The following LRRC7 variants were observed in gnomAD, a reference collection of about 807,000 sequenced individuals.
LRRC7 encodes leucine-rich repeat-containing protein 7.
Under a neutral mutation model 175.7 loss-of-function variants are expected in LRRC7, and 23 were observed. The observed-to-expected ratio is 0.13, with a 90% CI of 0.09 to 0.19. LRRC7 has a LOEUF of 0.19. LRRC7 is among the 10% of genes least tolerant of loss of function. LRRC7 has a pLI of 1.00. For synonymous variants in LRRC7, 685 were observed against 680.9 expected (o/e 1.01, Z -0.09); for missense variants, 1,354 against 1,904.7 (o/e 0.71, Z 5.38).
chr1:69,739,424 C>T (rs1668472750), intron 2 of LRRC7, among the ~76,000 whole-genome samples: 2 of 151,996 alleles, frequency 1.3e-5, no homozygotes, highest in Non-Finnish European at 2.9e-5. Flanking sequence ...TTCTTTCTAC[C>T]CACCAAGGAT....
intron 7 of LRRC7, among the ~76,000 whole-genome samples, chr1:69,895,240 A>G (rs1050122938): frequency 1.3e-5 from 2 of 152,154 alleles, no homozygotes; most frequent in Admixed American, 6.5e-5. Flanking sequence ...CTCAAAAAAA[A>G]CAATTATTAA....
At chr1:69,991,170 A>C (rs909707699) in intron 10 of LRRC7, among the ~76,000 whole-genome samples, 49 of 141,970 alleles carry the variant, frequency 3.5e-4, no homozygotes, top group Non-Finnish European at 1.2e-4. Flanking sequence ...AAAAAAAAAA[A>C]CAAACTGGTA....
At chr1:69,858,434 T>C (rs1683972282) in intron 7 of LRRC7, among the ~76,000 whole-genome samples, 1 of 151,980 alleles carries the variant, frequency 6.6e-6, no homozygotes, top group Non-Finnish European at 1.5e-5. Flanking sequence ...TGTGCACATG[T>C]ACCCTAGAAC....
At chr1:69,836,452 T>C (rs1265660784) in intron 6 of LRRC7, among the ~76,000 whole-genome samples, 3 of 151,956 alleles carry the variant, frequency 2.0e-5, no homozygotes, top group African/African-American at 4.8e-5. Context: ...TTAAGATACA[T>C]TTTTTTCTTG....
rs1666941193 is a variant in LRRC7, at chr1:70,138,178, G to A, written c.*16291G>A. ...TTAAAAATATGTGATGGATTGTGCA[G>A]CATGCTTACATTTGAAAATGGAGAT... On this transcript the variant is annotated 3_prime_UTR_variant, in exon 27 of 27. Transcript: ENST00000651989. The A allele has an allele frequency of 6.6e-6, 1 of 152,272 alleles. No homozygotes were observed. The highest frequency in any genetic ancestry group is 6.5e-5 in the Admixed American group (1 of 15,290). 9.4% of individuals were successfully genotyped at this position (152,272 alleles called of 1,614,324 possible).
chr1:69,980,620 T>A (rs899032224), intron 9 of LRRC7, among the ~76,000 whole-genome samples, 167 bp downstream of exon 9: 12 of 152,116 alleles, frequency 7.9e-5, no homozygotes, highest in Non-Finnish European at 1.5e-4. Context: ...TTTTAGTATT[T>A]TATGTATCTT....
At chr1:69,648,260 CTA>C (rs1211289610) in intron 1 of LRRC7, among the ~76,000 whole-genome samples, 1 of 151,918 alleles carries the variant, frequency 6.6e-6, no homozygotes, top group Non-Finnish European at 1.5e-5. Context: ...CATAAATTAA[CTA>C]TTATTAATTT....
intron 7 of LRRC7, among the ~76,000 whole-genome samples, chr1:69,929,828 C>T (rs180754265): frequency 5.3e-5 from 8 of 152,322 alleles, no homozygotes; most frequent in Admixed American, 1.3e-4. Context: ...AAAGTCTCTA[C>T]ATTGTGCTGT....
At chr1:69,687,441 C>T (rs568680859) in intron 2 of LRRC7, among the ~76,000 whole-genome samples, 46 of 132,822 alleles carry the variant, frequency 3.5e-4, no homozygotes, top group African/African-American at 1.1e-3. Flanking sequence ...GCCCGGGAGG[C>T]GGAGGTTGCA....
At chr1:69,894,362 T>C (rs1645920620) in intron 7 of LRRC7, among the ~76,000 whole-genome samples, 1 of 152,206 alleles carries the variant, frequency 6.6e-6, no homozygotes, top group African/African-American at 2.4e-5. Flanking sequence ...TTAATTACTA[T>C]GCACAGCTGA....
intron 2 of LRRC7, among the ~76,000 whole-genome samples, chr1:69,724,002 A>G (rs940677022): frequency 1.3e-5 from 2 of 152,232 alleles, no homozygotes; most frequent in Non-Finnish European, 2.9e-5. Context: ...AGTAGGACTC[A>G]AGGCTAGCAA....
intron 7 of LRRC7, among the ~76,000 whole-genome samples, chr1:69,847,994 A>G (rs1044271538): frequency 6.6e-6 from 1 of 152,054 alleles, no homozygotes; most frequent in African/African-American, 2.4e-5. Flanking sequence ...TACATCCAAT[A>G]TACAATGCAC....
intron 8 of LRRC7, among the ~76,000 whole-genome samples, chr1:69,954,774 T>C (rs185566560): frequency 6.6e-6 from 1 of 152,150 alleles, no homozygotes; most frequent in East Asian, 1.9e-4. Context: ...GGACAATAAA[T>C]TTGTAGTTAA....
At chr1:69,593,554 AT>A (rs1467308511) in intron 1 of LRRC7, among the ~76,000 whole-genome samples, 1 of 152,062 alleles carries the variant, frequency 6.6e-6, no homozygotes, top group Admixed American at 6.6e-5. Flanking sequence ...TATGATTCTC[AT>A]TTTTTTCTTA....
Position 70,138,143 on chromosome 1 carries a change from T to C in LRRC7, c.*16256T>C, listed in dbSNP as rs952161963. 6.6e-6 allele frequency: 1 copy of C among 152,166 alleles called. No individual in the cohort carries two copies. Among genetic ancestry groups the C allele is most frequent in the African/African-American group, 2.4e-5 (1 of 41,438 alleles). 9.4% of individuals were successfully genotyped at this position (152,166 alleles called of 1,614,324 possible). A position where few individuals can be genotyped will look rare whatever the true frequency, so the allele number is the denominator to read the frequency against. On this transcript the variant is annotated 3_prime_UTR_variant, in exon 27 of 27. Transcript: ENST00000651989. Reference sequence around the variant, plus strand: ...TGTCATTGCGCATCAACTTAGAAAATGTGAATTGATTAAAAATATGTGATG... The same window carrying C: ...TGTCATTGCGCATCAACTTAGAAAACGTGAATTGATTAAAAATATGTGATG...
At chr1:69,969,395 C>T (rs1287412038) in intron 8 of LRRC7, among the ~76,000 whole-genome samples, 3 of 152,054 alleles carry the variant, frequency 2.0e-5, no homozygotes, top group Non-Finnish European at 2.9e-5. Context: ...ATACACCTAA[C>T]ACATAAGGAC....
At chr1:70,013,140 A>G in intron 13 of LRRC7, 51 bp downstream of exon 13, 1 of 1,164,050 alleles carries the variant, frequency 8.6e-7, no homozygotes, top group Non-Finnish European at 1.2e-6. Flanking sequence ...CTGAAAGCAA[A>G]TTATAGTTTT....
intron 17 of LRRC7, among the ~76,000 whole-genome samples, chr1:70,025,998 G>T (rs11209584): frequency 0.21 from 31,517 of 151,886 alleles, 4,610 homozygotes; most frequent in African/African-American, 0.42. Flanking sequence ...CATATTCTGG[G>T]GATGTGACCA....
At chr1:69,872,706 G>A (rs985418338) in intron 7 of LRRC7, among the ~76,000 whole-genome samples, 1 of 152,000 alleles carries the variant, frequency 6.6e-6, no homozygotes, top group African/African-American at 2.4e-5. Context: ...CCTGGCAAAA[G>A]TTGCTATTTA....
Sources: gnomAD v4.1 joint callset for allele counts (sites outside exome capture counted in the v4.1 genomes callset) on GRCh38, gnomAD v4.1.1 for gene constraint, MANE v1.5 for transcripts, NCBI Gene and HGNC (gene_info 2026-07-23, HGNC 2026-07-21) for gene names.